MOB1B: variants seen among roughly 807,000 people sequenced by gnomAD.
MOB1B encodes MOB kinase activator 1B, also known as MOB1 Mps One Binder homolog B.
In MOB1B, 19 loss-of-function variants were observed where a neutral mutation model predicts 24.4. The observed-to-expected ratio is 0.78, with a 90% confidence interval of 0.54 to 1.14. The LOEUF is 1.14. MOB1B is among the 50% of genes most tolerant of loss of function. MOB1B has a pLI of 0.00. For missense variants in MOB1B, 243 were observed against 259.6 expected, an observed-to-expected ratio of 0.94 and a Z score of 0.44; for synonymous variants, 76 against 82.1, an observed-to-expected ratio of 0.93 and a Z score of 0.40.
At chr4:70,902,332 A>T, upstream of MOB1B, 1 of 656,286 alleles carries the variant, frequency 1.5e-6, no homozygotes, top group East Asian at 2.8e-5. Context: ...GAGTGATTCA[A>T]GACGAGCGCT....
intron 1 of MOB1B, among the ~76,000 whole-genome samples, chr4:70,945,902 A>T (rs1235716742): frequency 6.6e-6 from 1 of 151,870 alleles, no homozygotes; most frequent in Admixed American, 6.6e-5. Context: ...GTATGAGATA[A>T]GGAGAAGTAG....
At chr4:70,911,793 G>A (rs115104631) in intron 1 of MOB1B, among the ~76,000 whole-genome samples, 23 of 151,956 alleles carry the variant, frequency 1.5e-4, no homozygotes, top group Non-Finnish European at 1.9e-4. Context: ...ATATGAAACA[G>A]TTCTACCTGT....
rs1011063153 is a variant in MOB1B, at chr4:70,983,369, C to T, written c.*1312C>T. On this transcript the variant is annotated 3_prime_UTR_variant, in exon 6 of 6. Transcript: ENST00000309395. Reference sequence around the variant, plus strand: ...CAGCAGTATTAGATAATGAAAAATGCTAATTCAGTAGTTATTAACTTCTAA... The same window carrying T: ...CAGCAGTATTAGATAATGAAAAATGTTAATTCAGTAGTTATTAACTTCTAA... The T allele has an allele frequency of 6.6e-6, 1 of 152,492 alleles. No homozygotes were observed. Among genetic ancestry groups the T allele is most frequent in the African/African-American group, 2.4e-5 (1 of 41,414 alleles). 9.4% of individuals were successfully genotyped at this position (152,492 alleles called of 1,614,324 possible). A position where few individuals can be genotyped will look rare whatever the true frequency, so the allele number is the denominator to read the frequency against.
chr4:70,920,582 A>G (rs1290476118), intron 1 of MOB1B, among the ~76,000 whole-genome samples: 1 of 152,168 alleles, frequency 6.6e-6, no homozygotes, highest in Admixed American at 6.5e-5. Context: ...AGTGACTTTT[A>G]CTTTATATTT....
chr4:70,929,174 CT>C (rs1553935012), intron 1 of MOB1B, among the ~76,000 whole-genome samples: 1 of 132,150 alleles, frequency 7.6e-6, no homozygotes, highest in Non-Finnish European at 1.6e-5. Context: ...TTTTTCTTTT[CT>C]TTCTTTCTTT....
intron 2 of MOB1B, among the ~76,000 whole-genome samples, chr4:70,966,562 C>T (rs1311794503): frequency 3.3e-5 from 5 of 151,430 alleles, no homozygotes; most frequent in African/African-American, 4.9e-5. Flanking sequence ...TTAGTAGAGA[C>T]GGGGTTTCTC....
At chr4:70,923,845 G>C (rs1379754884) in intron 1 of MOB1B, among the ~76,000 whole-genome samples, 1 of 150,998 alleles carries the variant, frequency 6.6e-6, no homozygotes, top group Non-Finnish European at 1.5e-5. Flanking sequence ...ACCTACTCAG[G>C]CTGAGGCAGG....
intron 1 of MOB1B, among the ~76,000 whole-genome samples, chr4:70,907,901 C>G (rs1408853462): frequency 6.6e-6 from 1 of 152,270 alleles, no homozygotes; most frequent in South Asian, 2.1e-4. Context: ...CCACCTCAAC[C>G]TCCAGAGTAG....
chr4:70,941,276 ATACTC>A (rs1029880314), intron 1 of MOB1B, among the ~76,000 whole-genome samples: 124 of 151,744 alleles, frequency 8.2e-4, no homozygotes, highest in African/African-American at 2.9e-3. Flanking sequence ...TCTCAGTACT[ATACTC>A]TAATTTCTGC....
chr4:70,937,466 T>A (rs1737130180), intron 1 of MOB1B, among the ~76,000 whole-genome samples: 1 of 152,104 alleles, frequency 6.6e-6, no homozygotes, highest in South Asian at 2.1e-4. Flanking sequence ...ATATCTTGGA[T>A]ATTAGGCTTC....
intron 1 of MOB1B, among the ~76,000 whole-genome samples, chr4:70,904,437 G>A (rs557843942): frequency 3.3e-5 from 5 of 152,152 alleles, no homozygotes; most frequent in African/African-American, 1.2e-4. Flanking sequence ...CATGACTACT[G>A]CTGATGGGCT....
chr4:70,914,730 CT>C (rs1186227962), intron 1 of MOB1B, among the ~76,000 whole-genome samples: 1 of 152,168 alleles, frequency 6.6e-6, no homozygotes, highest in Non-Finnish European at 1.5e-5. Flanking sequence ...AGAAACCTGA[CT>C]TTTGTCATTC....
At chr4:70,960,510 T>C (rs997978541) in intron 2 of MOB1B, among the ~76,000 whole-genome samples, 8 of 152,220 alleles carry the variant, frequency 5.3e-5, no homozygotes, top group African/African-American at 9.6e-5. Context: ...TGGCCTCTTA[T>C]TATAATTTGA....
Position 70,984,108 on chromosome 4 carries a change from C to T in MOB1B, c.*2051C>T, listed in dbSNP as rs574911371. 6.6e-6 allele frequency: 1 copy of T among 152,660 alleles called. No homozygotes were observed. The highest frequency in any genetic ancestry group is 1.5e-5 in the Non-Finnish European group (1 of 67,968). The allele number at this position is 152,660 out of a possible 1,614,324, so 9.5% of individuals were successfully genotyped here. On this transcript the variant is annotated 3_prime_UTR_variant, in exon 6 of 6. Coordinates refer to ENST00000309395, the MANE Select transcript of MOB1B (RefSeq NM_173468.4). ...TAGTGAAAAATTAATCTTGCCCTTT[C>T]AAGCCTTATACAGTAGTACACTGTA... is the stretch of plus-strand genomic sequence containing the variant.
chr4:70,960,448 C>T (rs1738257154), intron 2 of MOB1B, among the ~76,000 whole-genome samples: 1 of 152,128 alleles, frequency 6.6e-6, no homozygotes, highest in African/African-American at 2.4e-5. Context: ...AAAGCATACA[C>T]AAAATGTCTA....
intron 4 of MOB1B, chr4:70,976,676 A>G: frequency 1.0e-6 from 1 of 964,796 alleles, no homozygotes; most frequent in Non-Finnish European, 1.2e-6. Flanking sequence ...GTTATGGAGT[A>G]CTTTAAACAT....
At chr4:70,946,856 A>G (rs1003717795) in intron 1 of MOB1B, among the ~76,000 whole-genome samples, 5 of 152,168 alleles carry the variant, frequency 3.3e-5, no homozygotes, top group African/African-American at 1.2e-4. Context: ...CAGTGAGGCA[A>G]GTGGTTACAT....
intron 1 of MOB1B, among the ~76,000 whole-genome samples, chr4:70,923,412 A>G (rs968816615): frequency 2.7e-4 from 41 of 152,096 alleles, no homozygotes; most frequent in African/African-American, 9.9e-4. Flanking sequence ...CATGTTTCCC[A>G]GGCTGGTCTC....
chr4:70,920,041 C>T (rs530657272), intron 1 of MOB1B, among the ~76,000 whole-genome samples: 24 of 152,220 alleles, frequency 1.6e-4, no homozygotes, highest in Non-Finnish European at 2.2e-4. Flanking sequence ...TTATGTTATA[C>T]ATAATTATAC....
Sources: gnomAD v4.1 joint callset for allele counts (sites outside exome capture counted in the v4.1 genomes callset) on GRCh38, gnomAD v4.1.1 for gene constraint, MANE v1.5 for transcripts, NCBI Gene and HGNC (gene_info 2026-07-23, HGNC 2026-07-21) for gene names.